The following CSMD1 variants were observed in gnomAD, a reference collection of about 807,000 sequenced individuals.
CSMD1 encodes CUB and sushi domain-containing protein 1.
A neutral mutation model predicts 417.5 loss-of-function variants in CSMD1; 213 were observed. The ratio of observed to expected loss-of-function variants is 0.51; its 90% CI spans 0.46 to 0.57. CSMD1 has a LOEUF of 0.57. CSMD1 is among the 20% of genes least tolerant of loss of function. CSMD1 has a pLI of 0.00. For missense variants in CSMD1, 6,923 were observed against 4,529.7 expected (o/e 1.53, Z -15.17); for synonymous variants, 2,862 against 1,736.8 (o/e 1.65, Z -16.11).
At chr8:4,292,064 T>C (rs1052084706) in intron 3 of CSMD1, among the ~76,000 whole-genome samples, 1 of 152,050 alleles carries the variant, frequency 6.6e-6, no homozygotes, top group Non-Finnish European at 1.5e-5. Context: ...CACTTGATCA[T>C]TCAATGAAAA....
chr8:4,050,615 A>G (rs558324222), intron 3 of CSMD1, among the ~76,000 whole-genome samples: 2 of 152,218 alleles, frequency 1.3e-5, no homozygotes, highest in South Asian at 4.1e-4. Flanking sequence ...TGCTTACAAG[A>G]GTCATCCTGC....
intron 37 of CSMD1, among the ~76,000 whole-genome samples, chr8:3,167,541 A>G (rs533681142): frequency 4.6e-5 from 7 of 152,336 alleles, no homozygotes; most frequent in African/African-American, 1.7e-4. Context: ...GTTTTATACA[A>G]TATTATCCAC....
At chr8:3,963,818 C>T (rs966708764) in intron 5 of CSMD1, among the ~76,000 whole-genome samples, 2 of 152,064 alleles carry the variant, frequency 1.3e-5, no homozygotes, top group African/African-American at 4.8e-5. Context: ...GAAATAAAAT[C>T]AACATCAAAT....
intron 8 of CSMD1, among the ~76,000 whole-genome samples, chr8:3,600,993 G>C (rs772746105): frequency 2.0e-5 from 3 of 152,166 alleles, no homozygotes; most frequent in Admixed American, 6.5e-5. Flanking sequence ...GGGGGTCTCT[G>C]TACTAATCTC....
At chr8:3,564,549 G>GTGTGTA (rs752767680) in intron 10 of CSMD1, among the ~76,000 whole-genome samples, 59 of 149,574 alleles carry the variant, frequency 3.9e-4, no homozygotes, top group Middle Eastern at 3.4e-3. Context: ...GTGTGTGTGT[G>GTGTGTA]TATAATACAT....
chr8:3,567,131 T>C (rs372736636), intron 10 of CSMD1, among the ~76,000 whole-genome samples: 28 of 152,248 alleles, frequency 1.8e-4, no homozygotes, highest in African/African-American at 5.8e-4. Flanking sequence ...TGCAGGGGCA[T>C]GGATGAAGCC....
At chr8:3,713,411 T>C (rs1801639855) in intron 6 of CSMD1, among the ~76,000 whole-genome samples, 1 of 152,144 alleles carries the variant, frequency 6.6e-6, no homozygotes, top group South Asian at 2.1e-4. Flanking sequence ...TTGATGCCAC[T>C]TCTTTCTCTG....
intron 5 of CSMD1, among the ~76,000 whole-genome samples, chr8:3,974,541 T>G (rs1358929425): frequency 2.0e-5 from 3 of 152,052 alleles, no homozygotes; most frequent in Non-Finnish European, 4.4e-5. Flanking sequence ...TTTAGTTGTC[T>G]CAAAATATTT....
At chr8:4,697,938 G>C (rs757157039) in intron 1 of CSMD1, among the ~76,000 whole-genome samples, 3 of 152,058 alleles carry the variant, frequency 2.0e-5, no homozygotes, top group Non-Finnish European at 4.4e-5. Flanking sequence ...TAAAACATTG[G>C]TCCTGTCAAG....
intron 12 of CSMD1, among the ~76,000 whole-genome samples, chr8:3,448,816 A>T (rs1452251963): frequency 6.6e-6 from 1 of 152,226 alleles, no homozygotes; most frequent in Non-Finnish European, 1.5e-5. Flanking sequence ...ATATGTCTAA[A>T]TGACACAACT....
intron 1 of CSMD1, among the ~76,000 whole-genome samples, chr8:4,735,149 A>C (rs1464379779): frequency 1.3e-5 from 2 of 152,170 alleles, no homozygotes; most frequent in African/African-American, 4.8e-5. Context: ...CTTTTTATAC[A>C]TATGAGGTAA....
At chr8:3,257,127 G>C (rs199876729) in intron 26 of CSMD1, among the ~76,000 whole-genome samples, 1 of 152,148 alleles carries the variant, frequency 6.6e-6, no homozygotes, top group Non-Finnish European at 1.5e-5. Flanking sequence ...TTTGAGACCA[G>C]CCTGGCCAAC....
intron 3 of CSMD1, among the ~76,000 whole-genome samples, chr8:4,369,864 G>C (rs572836926): frequency 3.3e-5 from 5 of 152,280 alleles, no homozygotes; most frequent in African/African-American, 1.2e-4. Context: ...ACAGCAGAGA[G>C]TTGGGTCTTG....
intron 3 of CSMD1, among the ~76,000 whole-genome samples, chr8:4,149,354 A>G (rs1386884869): frequency 6.6e-6 from 1 of 152,204 alleles, no homozygotes; most frequent in Non-Finnish European, 1.5e-5. Flanking sequence ...GCATTTCTAA[A>G]AAGATACACT....
chr8:4,816,193 C>CTT (rs34512629), intron 1 of CSMD1, among the ~76,000 whole-genome samples: 36,814 of 150,104 alleles, frequency 0.25, 4,958 homozygotes, highest in Non-Finnish European at 0.3. Flanking sequence ...TTGTTATTTG[C>CTT]TTTTTTTTTG....
At chr8:2,977,274 T>C (rs910715819) in intron 55 of CSMD1, among the ~76,000 whole-genome samples, 10 of 152,106 alleles carry the variant, frequency 6.6e-5, no homozygotes, top group African/African-American at 2.2e-4. Flanking sequence ...CCTACCCTAC[T>C]GACAGGCCTC....
At chr8:4,035,256 G>T (rs115673087) in intron 3 of CSMD1, among the ~76,000 whole-genome samples, 2 of 152,120 alleles carry the variant, frequency 1.3e-5, no homozygotes, top group Non-Finnish European at 2.9e-5. Context: ...CACCTGTGCA[G>T]CCAGTCATAC....
chr8:4,938,898 G>T (rs1057175324), intron 1 of CSMD1, among the ~76,000 whole-genome samples: 3 of 152,182 alleles, frequency 2.0e-5, no homozygotes, highest in Non-Finnish European at 4.4e-5. Context: ...GATTACTGAC[G>T]TTGAACCTCT....
intron 20 of CSMD1, 88 bp downstream of exon 20, chr8:3,366,944 A>T (rs1021221614): frequency 4.0e-6 from 4 of 995,846 alleles, no homozygotes; most frequent in Non-Finnish European, 4.6e-6. Context: ...CACACATTAC[A>T]CACACACACA....
Sources: allele counts gnomAD v4.1 joint callset (sites outside exome capture counted in the v4.1 genomes callset), GRCh38; gene constraint gnomAD v4.1.1; transcripts MANE v1.5; gene names NCBI Gene and HGNC (gene_info 2026-07-23, HGNC 2026-07-21).